The following PCNX2 variants were observed in gnomAD, a reference collection of about 807,000 sequenced individuals.
PCNX2 encodes pecanex-like protein 2.
Under a neutral mutation model 223.8 loss-of-function variants are expected in PCNX2, and 168 were observed. The ratio of observed to expected loss-of-function variants is 0.75; its 90% CI spans 0.66 to 0.85. The LOEUF is 0.85. Ranked by LOEUF, PCNX2 falls within the 40% of genes least tolerant of loss-of-function variation. PCNX2 has a pLI of 0.00. For synonymous variants in PCNX2, 1,006 were observed against 1,052.6 expected (o/e 0.96, Z 0.86); for missense variants, 2,507 against 2,675.5 (o/e 0.94, Z 1.39).
intron 8 of PCNX2, among the ~76,000 whole-genome samples, chr1:233,248,937 G>A (rs1359726624): frequency 6.6e-6 from 1 of 152,184 alleles, no homozygotes; most frequent in Non-Finnish European, 1.5e-5. Context: ...GAAATGGAAG[G>A]CAGGTTAAAT....
intron 8 of PCNX2, among the ~76,000 whole-genome samples, chr1:233,245,292 T>G (rs368917222): frequency 1.3e-5 from 2 of 152,380 alleles, no homozygotes; most frequent in African/African-American, 4.8e-5. Context: ...GAGACTGTGA[T>G]CAGCATCCTC....
chr1:233,320,309 T>C, the PCNX2 span, among the ~76,000 whole-genome samples: 1 of 152,070 alleles, frequency 6.6e-6, no homozygotes, highest in Non-Finnish European at 1.5e-5. Context: ...ATTGATAAAA[T>C]CCAATGACTT....
Position 232,997,758 on chromosome 1 carries a change from T to G in PCNX2, c.5791+493A>C, listed in dbSNP as rs189985377. On this transcript the variant is annotated intron_variant, in intron 32 of 33. Transcript: ENST00000258229. ...CAGCCACCTCCTAGGTTCCTATCTG[T>G]GGGCACCCTTTCTGCCCTCTTTTCT... Among the ~76,000 whole-genome samples, 166 of 152,332 alleles carry G rather than the reference T, an allele frequency of 1.1e-3. 1 individual carries two copies. Among genetic ancestry groups the G allele is most frequent in the African/African-American group, 3.2e-3 (132 of 41,584 alleles).
At chr1:233,316,718 T>C in the PCNX2 span, among the ~76,000 whole-genome samples, 1 of 152,200 alleles carries the variant, frequency 6.6e-6, no homozygotes, top group African/African-American at 2.4e-5. Context: ...CTCAAGTCTT[T>C]GCTCAAATCT....
intron 23 of PCNX2, among the ~76,000 whole-genome samples, chr1:233,075,670 T>C (rs534987941): frequency 2.7e-5 from 4 of 150,928 alleles, no homozygotes; most frequent in Non-Finnish European, 4.4e-5. Flanking sequence ...TTCATTCAAC[T>C]GCATTTGAAT....
chr1:233,031,347 C>A (rs899933318), intron 25 of PCNX2, among the ~76,000 whole-genome samples: 11 of 152,172 alleles, frequency 7.2e-5, no homozygotes, highest in African/African-American at 2.4e-4. Flanking sequence ...GATCTCATAT[C>A]ATTATTCACA....
At chr1:233,097,939 G>A (rs142703777) in intron 21 of PCNX2, among the ~76,000 whole-genome samples, 1,828 of 152,278 alleles carry the variant, frequency 0.012, 13 homozygotes, top group Middle Eastern at 0.02. Flanking sequence ...CAAAAGTCTT[G>A]AAAAGTGGTG....
chr1:233,140,691 G>C (rs552904148), intron 19 of PCNX2, among the ~76,000 whole-genome samples: 1 of 152,210 alleles, frequency 6.6e-6, no homozygotes, highest in Non-Finnish European at 1.5e-5. Context: ...AGCAGCTGGC[G>C]TGAGTGGTCA....
chr1:233,318,257 C>T, the PCNX2 span, among the ~76,000 whole-genome samples: 1 of 152,076 alleles, frequency 6.6e-6, no homozygotes, highest in Non-Finnish European at 1.5e-5. Context: ...ATTTTATATC[C>T]CAGAAAGTTT....
intron 9 of PCNX2, 145 bp downstream of exon 9, chr1:233,236,700 G>C: frequency 1.7e-6 from 2 of 1,170,888 alleles, no homozygotes; most frequent in Non-Finnish European, 1.2e-6. Flanking sequence ...TCAGTAGACT[G>C]CCTTGCAGTG....
intron 17 of PCNX2, among the ~76,000 whole-genome samples, chr1:233,162,941 A>C (rs1678579436): frequency 6.6e-6 from 1 of 152,158 alleles, no homozygotes; most frequent in African/African-American, 2.4e-5. Flanking sequence ...GGAAGGCTGC[A>C]TTTCTAAGTT....
rs770525386 is a variant in PCNX2, at chr1:232,984,348, G to C, written c.6370C>G (p.Leu2124Val). ...CRRASQEDMG[L>V]DDTASQQSVS... ...CTTTGCTGCGAGGCCGTGTCGTCCA[G>C]GCCCATGTCCTCCTGGCTTGCTCTC... is the stretch of plus-strand genomic sequence containing the variant. Residue 2124 changes from leucine (L) to valine (V), a missense_variant, in exon 34 of 34, where the codon CTG becomes GTG. Physicochemically the swap from Leu to Val is conservative, Grantham distance 32 (BLOSUM62 1). Around this residue, in one of 3 missense-constraint regions of PCNX2, gnomAD observed 1,372 missense variants for 1,509.4 expected, o/e 0.91. Coordinates refer to ENST00000258229, the MANE Select transcript of PCNX2 (RefSeq NM_014801.4). 4 of 1,613,052 alleles carry C rather than the reference G, an allele frequency of 2.5e-6. No individual in the cohort carries two copies. Among genetic ancestry groups the C allele is most frequent in the Non-Finnish European group, 2.5e-6 (3 of 1,179,626 alleles).
intron 1 of PCNX2, chr1:233,294,079 GTGA>G (rs1558434275): frequency 1.3e-6 from 1 of 768,798 alleles, no homozygotes; most frequent in African/African-American, 1.9e-5. Flanking sequence ...AGTGGTGATT[GTGA>G]TGATCACATC....
At chr1:233,316,005 A>G in the PCNX2 span, among the ~76,000 whole-genome samples, 1 of 152,226 alleles carries the variant, frequency 6.6e-6, no homozygotes, top group Non-Finnish European at 1.5e-5. Flanking sequence ...CAAGGTCATG[A>G]GCTTGATAGT....
At chr1:233,067,945 T>G (rs937673253) in intron 23 of PCNX2, among the ~76,000 whole-genome samples, 2 of 151,918 alleles carry the variant, frequency 1.3e-5, no homozygotes, top group Non-Finnish European at 2.9e-5. Context: ...GGACTGTAAT[T>G]AAAGAACTAA....
At chr1:233,256,464 C>T (rs921503595) in intron 5 of PCNX2, among the ~76,000 whole-genome samples, 4 of 152,126 alleles carry the variant, frequency 2.6e-5, no homozygotes, top group African/African-American at 9.7e-5. Flanking sequence ...GTGCTCTATC[C>T]ACTGGACACA....
Position 233,226,280 on chromosome 1 carries a change from TG to T in PCNX2, c.2504+945del, listed in dbSNP as rs35232630. ...TCCATCATGTTTTCTTTTTTCTGGG[TG>T]GGGGGGAGATTAAGTTTTGCTCTTG... On this transcript the variant is annotated intron_variant, in intron 10 of 33. Transcript: ENST00000258229. Among the ~76,000 whole-genome samples, 512 of 152,056 alleles carry T rather than the reference TG, an allele frequency of 3.4e-3. 2 individuals are homozygous for T. The highest frequency in any genetic ancestry group is 5.3e-3 in the Non-Finnish European group (359 of 67,970).
intron 10 of PCNX2, among the ~76,000 whole-genome samples, chr1:233,221,050 A>T (rs1367406048): frequency 6.6e-6 from 1 of 152,238 alleles, no homozygotes; most frequent in Non-Finnish European, 1.5e-5. Flanking sequence ...CTCTGAGGAC[A>T]ACAGCCAGAA....
In PCNX2 at chr1:233,139,705, A is replaced by C; in HGVS notation, c.3659+9T>G. ...AAATCATTATGAAGATAAACCATTA[A>C]CCACTTACTGGGTACCAAGTCTCCG... On this transcript the variant is annotated intron_variant, in intron 20 of 33. Transcript: ENST00000258229. This position sits in a 1 kb window ranked among gnomAD's most constrained non-coding sequence, Gnocchi z 4.4. 6.3e-7 allele frequency: 1 copy of C among 1,589,150 alleles called. No homozygotes were observed. Among genetic ancestry groups the C allele is most frequent in the Non-Finnish European group, 8.6e-7 (1 of 1,166,950 alleles).
Sources: allele counts gnomAD v4.1 joint callset (sites outside exome capture counted in the v4.1 genomes callset), GRCh38; gene constraint gnomAD v4.1.1; regional missense constraint gnomAD v4.1.1; non-coding constraint Gnocchi (gnomAD v3.1); transcripts MANE v1.5; gene names NCBI Gene and HGNC (gene_info 2026-07-23, HGNC 2026-07-21).